Variants in TENM4 observed in about 807,000 individuals in gnomAD.
The protein encoded by TENM4 is teneurin transmembrane protein 4.
Under a neutral mutation model 243.3 loss-of-function variants are expected in TENM4, and 82 were observed. That is an observed-to-expected ratio of 0.34 (90% CI 0.28 to 0.40). The LOEUF is 0.40. Among genes scored for constraint, TENM4 ranks in the 10% least tolerant of loss-of-function variants. The probability of loss-of-function intolerance (pLI) is 1.00; values close to 1 mark genes in which losing one functional copy is unlikely to be tolerated. For synonymous variants in TENM4, 1,412 were observed against 1,456.3 expected (o/e 0.97, Z 0.69); for missense variants, 3,138 against 3,673.3 (o/e 0.85, Z 3.77).
intron 19 of TENM4, among the ~76,000 whole-genome samples, chr11:78,743,269 G>T (rs1855973209): frequency 6.6e-6 from 1 of 152,136 alleles, no homozygotes; most frequent in East Asian, 1.9e-4. Context: ...CTGTTGCTCT[G>T]CCAGGACAAT....
At chr11:79,008,565 A>T (rs760353926) in intron 6 of TENM4, among the ~76,000 whole-genome samples, 59 of 152,236 alleles carry the variant, frequency 3.9e-4, no homozygotes, top group Non-Finnish European at 1.6e-4. Context: ...CTTTGAAGCC[A>T]TGAAAGCCTC....
At chr11:79,029,802 G>A (rs545642123) in intron 6 of TENM4, among the ~76,000 whole-genome samples, 1 of 152,176 alleles carries the variant, frequency 6.6e-6, no homozygotes, top group Non-Finnish European at 1.5e-5. Context: ...ATCCAGGTGG[G>A]CTCTTCTCCA....
At chr11:78,845,945 T>C (rs1284185182) in intron 12 of TENM4, among the ~76,000 whole-genome samples, 2 of 152,200 alleles carry the variant, frequency 1.3e-5, no homozygotes, top group Non-Finnish European at 2.9e-5. Flanking sequence ...ATAAGTCAGA[T>C]GAGCGGACTG....
intron 3 of TENM4, among the ~76,000 whole-genome samples, chr11:79,208,197 C>T (rs569328898): frequency 2.6e-5 from 4 of 152,266 alleles, no homozygotes; most frequent in African/African-American, 9.6e-5. Context: ...ATACCCATTC[C>T]AGTGGGGCAG....
chr11:79,424,072 C>A (rs907307056), intron 1 of TENM4, among the ~76,000 whole-genome samples: 1 of 152,164 alleles, frequency 6.6e-6, no homozygotes, highest in Non-Finnish European at 1.5e-5. Flanking sequence ...GGAACTAATA[C>A]CAAGAGTTTA....
chr11:79,025,840 A>T (rs569291135), intron 6 of TENM4, among the ~76,000 whole-genome samples: 1 of 152,234 alleles, frequency 6.6e-6, no homozygotes, highest in East Asian at 1.9e-4. Context: ...AACAAACCCG[A>T]TCTCTCTCGA....
chr11:79,131,553 G>A (rs547745076), intron 4 of TENM4, among the ~76,000 whole-genome samples: 8 of 152,160 alleles, frequency 5.3e-5, no homozygotes, highest in Admixed American at 3.9e-4. Context: ...AACAACTCCT[G>A]GAAACACATC....
intron 3 of TENM4, among the ~76,000 whole-genome samples, chr11:79,209,348 G>T (rs1351102033): frequency 6.6e-6 from 1 of 152,220 alleles, no homozygotes; most frequent in Non-Finnish European, 1.5e-5. Context: ...GTGGCTGTCT[G>T]CTGCTCCTTC....
intron 32 of TENM4, among the ~76,000 whole-genome samples, chr11:78,666,052 A>AT (rs34566831): frequency 0.53 from 79,857 of 150,792 alleles, 23,639 homozygotes; most frequent in Non-Finnish European, 0.69. Context: ...GAAAAAAAGA[A>AT]TTTTTTTTTT....
At chr11:79,019,382 C>T (rs971863770) in intron 6 of TENM4, among the ~76,000 whole-genome samples, 5 of 152,150 alleles carry the variant, frequency 3.3e-5, no homozygotes, top group African/African-American at 1.2e-4. Flanking sequence ...GTGGAGGTCA[C>T]AGAGTAGAAG....
chr11:79,314,618 A>G (rs1156465029), intron 1 of TENM4, among the ~76,000 whole-genome samples: 2 of 152,242 alleles, frequency 1.3e-5, no homozygotes, highest in African/African-American at 4.8e-5. Flanking sequence ...GGTGCCAGAG[A>G]AAGTTTGGCT....
chr11:78,857,929 G>C (rs1465146490), intron 10 of TENM4, among the ~76,000 whole-genome samples: 7 of 152,344 alleles, frequency 4.6e-5, no homozygotes, highest in African/African-American at 1.7e-4. Flanking sequence ...AACTAAGAGG[G>C]AGAATGAAAC....
At chr11:78,735,910 T>C (rs1293876199) in intron 20 of TENM4, among the ~76,000 whole-genome samples, 1 of 137,364 alleles carries the variant, frequency 7.3e-6, no homozygotes, top group Non-Finnish European at 1.6e-5. Flanking sequence ...TTTCCCCTTT[T>C]CTCCCTTTCT....
At chr11:79,232,920 G>A (rs185375260) in intron 2 of TENM4, among the ~76,000 whole-genome samples, 258 of 152,288 alleles carry the variant, frequency 1.7e-3, no homozygotes, top group Non-Finnish European at 1.8e-3. Context: ...AACTGTCCGG[G>A]GTGTACCATT....
chr11:79,001,759 C>T (rs989605021), intron 6 of TENM4, among the ~76,000 whole-genome samples: 20 of 152,124 alleles, frequency 1.3e-4, no homozygotes, highest in African/African-American at 4.8e-4. Context: ...CTCCTGGGAC[C>T]CGAGTTTGGC....
Position 78,672,842 on chromosome 11 carries a change from G to A in TENM4, c.5497-513C>T, listed in dbSNP as rs77488823. 1.1e-3 allele frequency among the ~76,000 whole-genome samples: 164 copies of A among 152,102 alleles called. 3 individuals are homozygous for A. The East Asian group carries it at 0.023, about 21-fold the overall frequency. Reference sequence around the variant, plus strand: ...TGGACTTGACTCTCACACATACAACGTGCCCCCAAACACTCAGTGGCCCTC... The same window carrying A: ...TGGACTTGACTCTCACACATACAACATGCCCCCAAACACTCAGTGGCCCTC... On this transcript the variant is annotated intron_variant, in intron 30 of 33. Transcript: ENST00000278550.
chr11:78,883,017 A>T (rs1855468530), intron 9 of TENM4, among the ~76,000 whole-genome samples: 1 of 152,098 alleles, frequency 6.6e-6, no homozygotes, highest in African/African-American at 2.4e-5. Context: ...CACATCTGAG[A>T]CTCCACCCTT....
intron 32 of TENM4, among the ~76,000 whole-genome samples, chr11:78,668,135 C>T (rs941926438): frequency 3.3e-5 from 5 of 152,204 alleles, no homozygotes; most frequent in African/African-American, 1.2e-4. Context: ...TCACTTCACC[C>T]TTGCAACCAC....
intron 6 of TENM4, among the ~76,000 whole-genome samples, chr11:78,978,042 A>G (rs1857704611): frequency 6.6e-6 from 1 of 152,334 alleles, no homozygotes; most frequent in South Asian, 2.1e-4. Context: ...GGATGAGTTC[A>G]TGTCCTTCTC....
Sources: gnomAD v4.1 joint callset for allele counts (sites outside exome capture counted in the v4.1 genomes callset) on GRCh38, gnomAD v4.1.1 for gene constraint, MANE v1.5 for transcripts, NCBI Gene and HGNC (gene_info 2026-07-23, HGNC 2026-07-21) for gene names.